Variants in TAOK1 observed in about 807,000 individuals in gnomAD.
TAOK1 encodes TAO kinase 1, also known as serine/threonine-protein kinase TAO1.
TAOK1 carries 21 observed loss-of-function variants against 138.3 expected under a neutral mutation model. The ratio of observed to expected loss-of-function variants is 0.15; its 90% CI spans 0.11 to 0.22. The LOEUF (loss-of-function observed/expected upper bound fraction) is 0.22. Among genes scored for constraint, TAOK1 ranks in the 10% least tolerant of loss-of-function variants. The pLI is 1.00. For missense variants in TAOK1, 651 were observed against 1,227.7 expected, an observed-to-expected ratio of 0.53 and a Z score of 7.02; for synonymous variants, 361 against 398.4, an observed-to-expected ratio of 0.91 and a Z score of 1.12.
chr17:29,529,663 C>T (rs1219959867), intron 17 of TAOK1, among the ~76,000 whole-genome samples: 3 of 152,026 alleles, frequency 2.0e-5, no homozygotes, highest in Admixed American at 6.6e-5. Flanking sequence ...GTGAAGAGTG[C>T]GAGACCATCC....
chr17:29,447,661 T>A (rs1005600902), intron 1 of TAOK1, among the ~76,000 whole-genome samples: 12 of 148,258 alleles, frequency 8.1e-5, no homozygotes, highest in Admixed American at 1.3e-4. Context: ...TTTATTTTAT[T>A]TTTTTTTTTT....
At chr17:29,407,320 GTTCT>G (rs1905021973) in intron 1 of TAOK1, among the ~76,000 whole-genome samples, 2 of 151,986 alleles carry the variant, frequency 1.3e-5, no homozygotes, top group Admixed American at 1.3e-4. Flanking sequence ...TTTACTGGTT[GTTCT>G]TTCTTACTGC....
At chr17:29,418,084 C>T (rs1408990210) in intron 1 of TAOK1, among the ~76,000 whole-genome samples, 5 of 152,064 alleles carry the variant, frequency 3.3e-5, no homozygotes, top group East Asian at 1.9e-4. Flanking sequence ...GACGGGGTTT[C>T]GCCATGTTGC....
Position 29,491,875 on chromosome 17 carries a change from A to G in TAOK1, c.831+10A>G. The G allele has an allele frequency of 1.3e-6, 2 of 1,580,070 alleles. No individual in the cohort carries two copies. Among genetic ancestry groups the G allele is most frequent in the Non-Finnish European group, 1.7e-6 (2 of 1,154,308 alleles). ...AGAGGAACTTTTAAAGGTCAGTTCT[A>G]TTATAGTTTATTTATTTATTTTATT... On this transcript the variant is annotated intron_variant, in intron 10 of 19. Coordinates refer to ENST00000261716, the MANE Select transcript of TAOK1 (RefSeq NM_020791.4).
intron 1 of TAOK1, among the ~76,000 whole-genome samples, chr17:29,444,469 A>G (rs1191414032): frequency 6.6e-6 from 1 of 152,174 alleles, no homozygotes; most frequent in Non-Finnish European, 1.5e-5. Context: ...TAACAGTGTA[A>G]TGATGTATTT....
chr17:29,540,997 C>T (rs149017149), intron 19 of TAOK1, among the ~76,000 whole-genome samples: 3 of 152,238 alleles, frequency 2.0e-5, no homozygotes, highest in East Asian at 1.9e-4. Context: ...TGAGCCACCA[C>T]GCCCGGCCTT....
intron 3 of TAOK1, among the ~76,000 whole-genome samples, chr17:29,472,026 C>T (rs373485136): frequency 2.4e-4 from 36 of 152,220 alleles, no homozygotes; most frequent in Middle Eastern, 3.4e-3. Context: ...CTGCTGTTTC[C>T]ACCACATCTG....
intron 7 of TAOK1, 96 bp from the exon 8 acceptor site, chr17:29,482,101 C>A: frequency 1.2e-6 from 1 of 853,124 alleles, no homozygotes; most frequent in Non-Finnish European, 1.8e-6. Flanking sequence ...GGCTAGAATT[C>A]AAACCAGTGA....
chr17:29,503,849 A>G (rs751010896), intron 13 of TAOK1, among the ~76,000 whole-genome samples: 72 of 151,784 alleles, frequency 4.7e-4, no homozygotes, highest in Non-Finnish European at 9.4e-4. Context: ...GGTAGCTCAC[A>G]CCTCTAATCC....
chr17:29,398,539 CTTTTT>C (rs1470030931), intron 1 of TAOK1, among the ~76,000 whole-genome samples: 1 of 139,686 alleles, frequency 7.2e-6, no homozygotes, highest in Non-Finnish European at 1.6e-5. Flanking sequence ...CTTTTCTTTT[CTTTTT>C]TAGAGATGGA....
chr17:29,398,094 T>C (rs545887326), intron 1 of TAOK1, among the ~76,000 whole-genome samples: 2 of 152,232 alleles, frequency 1.3e-5, no homozygotes, highest in African/African-American at 4.8e-5. Flanking sequence ...CTCAAACTCA[T>C]GGGGGCTCAG....
chr17:29,550,906 C>T lies in TAOK1; in HGVS notation c.*7884C>T, dbSNP rs1233027148. On this transcript the variant is annotated 3_prime_UTR_variant, in exon 20 of 20. Coordinates refer to ENST00000261716, the MANE Select transcript of TAOK1 (RefSeq NM_020791.4). Reference sequence around the variant, plus strand: ...TCCTTCCTTAAAGGCCATATCACTCCATTTGCATTATTTGTGCAAATGCCA... The same window carrying T: ...TCCTTCCTTAAAGGCCATATCACTCTATTTGCATTATTTGTGCAAATGCCA... 2 of 152,332 alleles carry T rather than the reference C, an allele frequency of 1.3e-5. No individual in the cohort carries two copies. The highest frequency in any genetic ancestry group is 1.5e-5 in the Non-Finnish European group (1 of 68,024). The allele number at this position is 152,332 out of a possible 1,614,324, so 9.4% of individuals were successfully genotyped here.
intron 1 of TAOK1, among the ~76,000 whole-genome samples, chr17:29,400,424 C>A (rs1598464308): frequency 6.7e-6 from 1 of 148,728 alleles, no homozygotes; most frequent in African/African-American, 2.5e-5. Context: ...AATGACATTT[C>A]TTTTCCAGTA....
intron 1 of TAOK1, among the ~76,000 whole-genome samples, chr17:29,441,910 AT>A (rs1354702511): frequency 1.3e-5 from 2 of 151,864 alleles, no homozygotes; most frequent in Non-Finnish European, 2.9e-5. Context: ...AAAAAAAAAA[AT>A]CTCTGCTTTC....
In TAOK1 at chr17:29,545,454, A is replaced by AT. The variant is rs2032387757; in HGVS notation, c.*2432_*2433insT. On this transcript the variant is annotated 3_prime_UTR_variant, in exon 20 of 20. Coordinates refer to ENST00000261716, the MANE Select transcript of TAOK1 (RefSeq NM_020791.4). ...AAAATATTATTGGTGGTACATTTTA[A>AT]AGTCCAATTGTGGACTTAAATTAGT... is the stretch of plus-strand genomic sequence containing the variant. 6.6e-6 allele frequency: 1 copy of AT among 152,212 alleles called. No homozygotes were observed. The highest frequency in any genetic ancestry group is 1.5e-5 in the Non-Finnish European group (1 of 68,032). 9.4% of individuals were successfully genotyped at this position (152,212 alleles called of 1,614,324 possible).
intron 2 of TAOK1, among the ~76,000 whole-genome samples, chr17:29,465,141 T>A (rs2030630972): frequency 7.8e-6 from 1 of 127,672 alleles, no homozygotes; most frequent in South Asian, 2.8e-4. Flanking sequence ...TTTTTTTTTT[T>A]TTTTTTTTTT....
At chr17:29,537,831 C>T (rs920803483) in intron 19 of TAOK1, among the ~76,000 whole-genome samples, 3 of 151,966 alleles carry the variant, frequency 2.0e-5, no homozygotes, top group African/African-American at 4.8e-5. Context: ...AATAGAGATA[C>T]GGCTGGGTGT....
At chr17:29,409,816 C>A (rs769560120) in intron 1 of TAOK1, among the ~76,000 whole-genome samples, 22 of 152,130 alleles carry the variant, frequency 1.4e-4, no homozygotes, top group East Asian at 3.9e-4. Flanking sequence ...CTGTAACATT[C>A]TTGTGAGAGG....
Position 29,451,480 on chromosome 17 carries a change from C to A in TAOK1, c.-69C>A. On this transcript the variant is annotated 5_prime_UTR_variant, in exon 2 of 20. Coordinates refer to ENST00000261716, the MANE Select transcript of TAOK1 (RefSeq NM_020791.4). ...TAGTTTATGCCAACGTGACTTCATT[C>A]ATACAGATGAACCAAGGATCGGGAT... 1 of 1,491,568 alleles carries A rather than the reference C, an allele frequency of 6.7e-7. No homozygotes were observed. Among genetic ancestry groups the A allele is most frequent in the Non-Finnish European group, 8.9e-7 (1 of 1,121,836 alleles). The allele number at this position is 1,491,568 out of a possible 1,614,324, so 92.4% of individuals were successfully genotyped here. A position where few individuals can be genotyped will look rare whatever the true frequency, so the allele number is the denominator to read the frequency against.
Sources: gnomAD v4.1 joint callset for allele counts (sites outside exome capture counted in the v4.1 genomes callset) on GRCh38, gnomAD v4.1.1 for gene constraint, MANE v1.5 for transcripts, NCBI Gene and HGNC (gene_info 2026-07-23, HGNC 2026-07-21) for gene names.